Variants in DIS3L2 observed in about 807,000 individuals in gnomAD.
The protein encoded by DIS3L2 is DIS3-like exonuclease 2.
In DIS3L2, 34 loss-of-function variants were observed where a neutral mutation model predicts 97.5. The observed-to-expected ratio is 0.35, with a 90% CI of 0.27 to 0.46. The LOEUF is 0.46. Ranked by LOEUF, DIS3L2 falls within the 20% of genes least tolerant of loss-of-function variation. The pLI is 1.00. For synonymous variants in DIS3L2, 435 were observed against 445.2 expected, an observed-to-expected ratio of 0.98 and a Z score of 0.29; for missense variants, 1,038 against 1,146.0, an observed-to-expected ratio of 0.91 and a Z score of 1.36.
chr2:232,211,714 G>C (rs570590250), intron 10 of DIS3L2, among the ~76,000 whole-genome samples: 1 of 152,310 alleles, frequency 6.6e-6, no homozygotes, highest in East Asian at 1.9e-4. Flanking sequence ...AACGCCGTAG[G>C]TTCAGTATGT....
chr2:232,157,238 G>A (rs1325611760), intron 8 of DIS3L2, among the ~76,000 whole-genome samples: 1 of 152,160 alleles, frequency 6.6e-6, no homozygotes, highest in Non-Finnish European at 1.5e-5. Context: ...TGAGCATTAT[G>A]TAGGCAAAAC....
intron 14 of DIS3L2, among the ~76,000 whole-genome samples, chr2:232,317,063 C>G (rs572292400): frequency 6.6e-6 from 1 of 152,322 alleles, no homozygotes; most frequent in South Asian, 2.1e-4. Context: ...GCTGTGTGCC[C>G]TGGGAGGCAG....
intron 1 of DIS3L2, among the ~76,000 whole-genome samples, chr2:231,999,522 A>T (rs993397609): frequency 6.6e-6 from 1 of 152,114 alleles, no homozygotes; most frequent in Non-Finnish European, 1.5e-5. Context: ...TAGCCTTTCC[A>T]CTTTTCCATA....
At chr2:232,227,572 C>T (rs1475610325) in intron 10 of DIS3L2, among the ~76,000 whole-genome samples, 3 of 152,126 alleles carry the variant, frequency 2.0e-5, no homozygotes, top group Non-Finnish European at 2.9e-5. Context: ...ACTTTTGTGA[C>T]GTCTTGGGGA....
intron 13 of DIS3L2, among the ~76,000 whole-genome samples, chr2:232,288,417 GAAA>G (rs1694504330): frequency 1.3e-5 from 2 of 152,168 alleles, no homozygotes; most frequent in Admixed American, 1.3e-4. Context: ...AGCAAACCTA[GAAA>G]GTGTCTCACA....
chr2:232,279,497 G>GGTGT (rs1200998526), intron 13 of DIS3L2, among the ~76,000 whole-genome samples: 1 of 131,678 alleles, frequency 7.6e-6, no homozygotes, highest in Non-Finnish European at 1.6e-5. Flanking sequence ...TTGGAGAATT[G>GGTGT]GTGTGTGTGT....
At chr2:232,284,839 T>C (rs183707560) in intron 13 of DIS3L2, among the ~76,000 whole-genome samples, 2 of 152,286 alleles carry the variant, frequency 1.3e-5, no homozygotes, top group Admixed American at 1.3e-4. Context: ...AGCTCAGTCA[T>C]CTTTGCCAAC....
At position 232,281,325 on chromosome 2, in the gene DIS3L2, G is replaced by T. The variant is rs1366530000; in HGVS notation, c.1659+17885G>T. ...GAGGCAGGAGAAGGGCGTGAACCCG[G>T]GAGGCGGAGCTTGCAGTGAGCCGAG... On this transcript the variant is annotated intron_variant, in intron 13 of 20. Transcript: ENST00000325385. This position sits in a 1 kb window ranked among gnomAD's most constrained non-coding sequence, Gnocchi z 4.1. Among the ~76,000 whole-genome samples, 1 of 152,212 alleles carries T rather than the reference G, an allele frequency of 6.6e-6. No individual in the cohort carries two copies. Among genetic ancestry groups the T allele is most frequent in the African/African-American group, 2.4e-5 (1 of 41,460 alleles).
At chr2:232,333,583 GC>G (rs1356069646) in intron 16 of DIS3L2, among the ~76,000 whole-genome samples, 1 of 152,178 alleles carries the variant, frequency 6.6e-6, no homozygotes, top group African/African-American at 2.4e-5. Flanking sequence ...CATCTGGGAG[GC>G]CCAGGCAGGC....
chr2:232,333,905 T>C lies in DIS3L2; in HGVS notation c.2076T>C (p.Asn692=), dbSNP rs767082193. ...CGCAGTTCCGGCACTACGCGCTCAA[T>C]GTGCCCCTGTACACACACTTCACCT... ...DPAQFRHYAL[N]VPLYTHFTSP... is the part of the protein sequence containing the mutation. Residue 692 remains asparagine, a synonymous_variant, in exon 17 of 21, where the codon AAT becomes AAC. Transcript: ENST00000325385. 1.2e-6 allele frequency: 2 copies of C among 1,612,806 alleles called. No homozygotes were observed. Among genetic ancestry groups the C allele is most frequent in the Admixed American group, 1.7e-5 (1 of 59,998 alleles).
In DIS3L2 at chr2:232,325,995, C is replaced by G. The variant is rs956940297; in HGVS notation, c.1740-3818C>G. Among the ~76,000 whole-genome samples, 2 of 150,308 alleles carry G rather than the reference C, an allele frequency of 1.3e-5. No homozygotes were observed. The highest frequency in any genetic ancestry group is 2.9e-5 in the Non-Finnish European group (2 of 67,950). ...CAGAGTGTGGAGCGGCTCAACCTGACCACCCAGGATAGCTTGGGGGCGTTT... is the reference window on the plus strand; with the variant it reads ...CAGAGTGTGGAGCGGCTCAACCTGAGCACCCAGGATAGCTTGGGGGCGTTT... On this transcript the variant is annotated intron_variant, in intron 14 of 20. Transcript: ENST00000325385. The surrounding 1 kb of genome is among the most constrained non-coding windows in gnomAD (Gnocchi z 4.6).
chr2:232,252,674 G>A (rs1276911426), intron 12 of DIS3L2, among the ~76,000 whole-genome samples: 6 of 152,230 alleles, frequency 3.9e-5, no homozygotes, highest in Non-Finnish European at 8.8e-5. Flanking sequence ...GCCGAAGCGG[G>A]CAGATTGCTT....
At chr2:232,288,494 A>C (rs1038091740) in intron 13 of DIS3L2, among the ~76,000 whole-genome samples, 1 of 152,248 alleles carries the variant, frequency 6.6e-6, no homozygotes, top group African/African-American at 2.4e-5. Flanking sequence ...AACAGGTAGA[A>C]AGTCTAGGAC....
intron 5 of DIS3L2, among the ~76,000 whole-genome samples, chr2:232,030,815 A>T (rs1166585564): frequency 6.6e-6 from 1 of 152,010 alleles, no homozygotes; most frequent in Non-Finnish European, 1.5e-5. Context: ...TTTTTGTTTT[A>T]TTTATTTGAA....
At chr2:232,019,557 CT>C (rs11301026) in intron 3 of DIS3L2, among the ~76,000 whole-genome samples, 128,137 of 139,818 alleles carry the variant, frequency 0.92, 58,710 homozygotes, top group East Asian at 0.99. Context: ...GTCTCTCTCT[CT>C]TTTTTTTTTT....
chr2:232,005,170 A>ATTTTTTTTTTTTTTTTTTTTTTT (rs55757645), intron 1 of DIS3L2, among the ~76,000 whole-genome samples: 5 of 126,562 alleles, frequency 4.0e-5, no homozygotes, highest in African/African-American at 5.9e-5. Flanking sequence ...AAGAATCTTG[A>ATTTTTTTTTTTTTTTTTTTTTTT]TTTTTTTTTT....
At chr2:232,170,945 A>G (rs773797829) in intron 9 of DIS3L2, among the ~76,000 whole-genome samples, 2 of 152,172 alleles carry the variant, frequency 1.3e-5, no homozygotes, top group South Asian at 2.1e-4. Context: ...AAGCTTTCAA[A>G]CATAACTAAC....
chr2:232,335,748 C>T (rs1270866963), intron 19 of DIS3L2, 25 bp from the exon 20 acceptor site: 1 of 1,549,352 alleles, frequency 6.5e-7, no homozygotes, highest in East Asian at 2.4e-5. Context: ...GAGCTGAGGC[C>T]TGAGGCTTGG....
chr2:232,195,946 T>C (rs1304918145), intron 9 of DIS3L2, among the ~76,000 whole-genome samples: 3 of 152,176 alleles, frequency 2.0e-5, no homozygotes, highest in African/African-American at 7.2e-5. Context: ...TTATCATCTT[T>C]GTTTTAAAGT....
Sources: allele counts gnomAD v4.1 joint callset (sites outside exome capture counted in the v4.1 genomes callset), GRCh38; gene constraint gnomAD v4.1.1; non-coding constraint Gnocchi (gnomAD v3.1); transcripts MANE v1.5; gene names NCBI Gene and HGNC (gene_info 2026-07-23, HGNC 2026-07-21).